CACNA1I: variants seen among roughly 807,000 people sequenced by gnomAD.
CACNA1I encodes the protein calcium voltage-gated channel subunit alpha1 I, also known as voltage-dependent T-type calcium channel subunit alpha-1I.
In CACNA1I, 74 loss-of-function variants were observed where a neutral mutation model predicts 201.6. The observed-to-expected ratio is 0.37, with a 90% CI of 0.30 to 0.45. The LOEUF (loss-of-function observed/expected upper bound fraction) is 0.45. Ranked by LOEUF, CACNA1I falls within the 20% of genes least tolerant of loss-of-function variation. The pLI is 1.00. For synonymous variants in CACNA1I, 1,431 were observed against 1,345.2 expected (o/e 1.06, Z -1.40); for missense variants, 2,346 against 3,138.1 (o/e 0.75, Z 6.03).
chr22:39,574,723 C>A (rs1260273340), intron 1 of CACNA1I, among the ~76,000 whole-genome samples: 1 of 152,148 alleles, frequency 6.6e-6, no homozygotes, highest in African/African-American at 2.4e-5. Flanking sequence ...CATGTCTAGA[C>A]CCTGCAAAGG....
At chr22:39,628,857 C>T (rs953128000) in intron 4 of CACNA1I, among the ~76,000 whole-genome samples, 42 of 152,196 alleles carry the variant, frequency 2.8e-4, no homozygotes, top group African/African-American at 8.4e-4. Flanking sequence ...TTCTGGGCCA[C>T]GGGCTGTGCC....
chr22:39,642,936 G>A, intron 7 of CACNA1I, 47 bp downstream of exon 7: 2 of 1,315,542 alleles, frequency 1.5e-6, no homozygotes, highest in Non-Finnish European at 2.2e-6. Context: ...AGAACCCATG[G>A]ACCAGGGGAC....
intron 15 of CACNA1I, 102 bp downstream of exon 15, chr22:39,660,539 A>G: frequency 1.5e-6 from 1 of 680,070 alleles, no homozygotes; most frequent in Admixed American, 2.9e-5. Flanking sequence ...GCCCAGGCTC[A>G]GGGACTGCTA....
At chr22:39,581,277 C>T (rs956548024) in intron 1 of CACNA1I, among the ~76,000 whole-genome samples, 6 of 152,164 alleles carry the variant, frequency 3.9e-5, no homozygotes, top group Non-Finnish European at 7.3e-5. Flanking sequence ...GCAGCCTGAT[C>T]AAGGGCTCAG....
intron 1 of CACNA1I, among the ~76,000 whole-genome samples, chr22:39,583,946 G>T (rs114145947): frequency 0.016 from 2,506 of 152,340 alleles, 59 homozygotes; most frequent in African/African-American, 0.058. Context: ...GGCAGGCAAG[G>T]TTGGAGGTAG....
intron 5 of CACNA1I, among the ~76,000 whole-genome samples, chr22:39,638,596 T>A (rs1934278741): frequency 6.6e-6 from 1 of 152,046 alleles, no homozygotes; most frequent in Non-Finnish European, 1.5e-5. Context: ...CATTGGTGAG[T>A]GTTTCTTCCT....
Position 39,661,882 on chromosome 22 carries a change from G to GCCA in CACNA1I, c.2902-83_2902-82insCCA, listed in dbSNP as rs1935022471. ...GTGGGTGGTCTTAGAGCCACAGCGG[G>GCCA]GGTGCAGGCTGCCTTTGGGCACCTG... On this transcript the variant is annotated intron_variant, in intron 16 of 36. Transcript: ENST00000402142. 3 of 865,718 alleles carry GCCA rather than the reference G, an allele frequency of 3.5e-6. No homozygotes were observed. In the South Asian group the frequency reaches 5.5e-5, roughly 16 times the overall value. 53.6% of individuals were successfully genotyped at this position (865,718 alleles called of 1,614,324 possible).
chr22:39,642,913 C>T (rs1934386229), intron 7 of CACNA1I, 24 bp downstream of exon 7: 2 of 1,503,698 alleles, frequency 1.3e-6, no homozygotes, highest in Admixed American at 1.8e-5. Context: ...AGCCTGGGCT[C>T]CTAGGTGTGC....
At chr22:39,597,205 C>A (rs956683158) in intron 1 of CACNA1I, among the ~76,000 whole-genome samples, 2 of 152,176 alleles carry the variant, frequency 1.3e-5, no homozygotes, top group African/African-American at 4.8e-5. Context: ...GAGCAGGCTT[C>A]GGATTTCTTA....
At position 39,676,378 on chromosome 22, in the gene CACNA1I, G is replaced by A. The variant is rs1935512593; in HGVS notation, c.4855-963G>A. Among the ~76,000 whole-genome samples, 2 of 152,226 alleles carry A rather than the reference G, an allele frequency of 1.3e-5. No homozygotes were observed. Among genetic ancestry groups the A allele is most frequent in the Admixed American group, 6.5e-5 (1 of 15,284 alleles). ...CCAGGAAACCCTGCTCTGGAGTGGA[G>A]CGGAGAAACTCGAGGAGTGGTGATT... On this transcript the variant is annotated intron_variant, in intron 29 of 36. Transcript: ENST00000402142. The surrounding 1 kb of genome is among the most constrained non-coding windows in gnomAD (Gnocchi z 4.8).
rs1935829391 is a variant in CACNA1I at position 39,685,398 on chromosome 22, G to A, written c.6028-363G>A. On this transcript the variant is annotated intron_variant, in intron 36 of 36. Coordinates refer to ENST00000402142, the MANE Select transcript of CACNA1I (RefSeq NM_021096.4). The surrounding 1 kb of genome is among the most constrained non-coding windows in gnomAD (Gnocchi z 5.0). ...GTGGGAGGGACCGGAACCAGTGGGAGCAGCCAAGGCTGGGGCCGCGTCAGA... is the reference window on the plus strand; with the variant it reads ...GTGGGAGGGACCGGAACCAGTGGGAACAGCCAAGGCTGGGGCCGCGTCAGA... Among the ~76,000 whole-genome samples the A allele has an allele frequency of 1.4e-5, 2 of 144,722 alleles. No homozygotes were observed. The highest frequency in any genetic ancestry group is 2.5e-5 in the African/African-American group (1 of 39,556). The allele number at this position is 144,722 out of a possible 152,430, so 94.9% of individuals were successfully genotyped here. A position where few individuals can be genotyped will look rare whatever the true frequency, so the allele number is the denominator to read the frequency against.
At chr22:39,577,567 C>G (rs1267533027) in intron 1 of CACNA1I, among the ~76,000 whole-genome samples, 1 of 152,278 alleles carries the variant, frequency 6.6e-6, no homozygotes, top group African/African-American at 2.4e-5. Flanking sequence ...AGTACATCCA[C>G]CGAGCATTTC....
At chr22:39,623,248 AGT>A (rs1384605291) in intron 4 of CACNA1I, among the ~76,000 whole-genome samples, 2 of 149,150 alleles carry the variant, frequency 1.3e-5, no homozygotes, top group African/African-American at 5.0e-5. Context: ...TGTGTGCACG[AGT>A]GTGTGTGCAA....
Position 39,600,529 on chromosome 22 carries a change from G to A in CACNA1I, c.358G>A (p.Asp120Asn), listed in dbSNP as rs773108844. Residue 120 changes from aspartate (D) to asparagine (N), a missense_variant, in exon 3 of 37, where the codon GAC becomes AAC. By Grantham distance (23) the Asp-to-Asn change is conservative. Around this residue, in one of 13 missense-constraint regions of CACNA1I, gnomAD observed 130 missense variants for 160.7 expected, o/e 0.81. Transcript: ENST00000402142. ...CCTCCTGCCCCTGCAGGTCTTTGAT[G>A]ACTTCATCTTTATCTTCTTTGCCAT... is the stretch of plus-strand genomic sequence containing the variant. ...DRCKILQVFD[D>N]FIFIFFAMEM... 8 of 1,611,158 alleles carry A rather than the reference G, an allele frequency of 5.0e-6. No individual in the cohort carries two copies. In the Admixed American group the frequency reaches 1.3e-4, roughly 27 times the overall value.
chr22:39,602,769 C>G (rs1287088223), intron 3 of CACNA1I, among the ~76,000 whole-genome samples: 2 of 152,072 alleles, frequency 1.3e-5, no homozygotes, highest in Admixed American at 6.6e-5. Context: ...CTTCTTTTTC[C>G]TGACTAGAAG....
chr22:39,646,902 C>T (rs1168568455), intron 8 of CACNA1I, 21 bp downstream of exon 8: 9 of 1,466,350 alleles, frequency 6.1e-6, no homozygotes, highest in South Asian at 2.8e-5. Flanking sequence ...CTGCATCCGA[C>T]GCGGCACTCA....
chr22:39,630,693 A>C (rs1199967026), intron 4 of CACNA1I, among the ~76,000 whole-genome samples: 1 of 152,210 alleles, frequency 6.6e-6, no homozygotes, highest in Non-Finnish European at 1.5e-5. Flanking sequence ...GCAGTAACTC[A>C]TGGCAGAGAC....
intron 10 of CACNA1I, chr22:39,656,743 T>C (rs1456420359): frequency 1.5e-5 from 8 of 518,916 alleles, no homozygotes; most frequent in Admixed American, 1.4e-4. Context: ...TGCCCTGCCT[T>C]TGCCCTGCCA....
rs1481545190 is a variant in CACNA1I at position 39,676,154 on chromosome 22, G to T, written c.4855-1187G>T. Among the ~76,000 whole-genome samples the T allele has an allele frequency of 6.6e-6, 1 of 152,186 alleles. No individual in the cohort carries two copies. The highest frequency in any genetic ancestry group is 2.4e-5 in the African/African-American group (1 of 41,444). ...GGAGGGGACAGATAGAAAAGCTGACGGCAATCCTGGTTAAGAGATGCTGCC... is the reference window on the plus strand; with the variant it reads ...GGAGGGGACAGATAGAAAAGCTGACTGCAATCCTGGTTAAGAGATGCTGCC... On this transcript the variant is annotated intron_variant, in intron 29 of 36. Coordinates refer to ENST00000402142, the MANE Select transcript of CACNA1I (RefSeq NM_021096.4). The surrounding 1 kb of genome is among the most constrained non-coding windows in gnomAD (Gnocchi z 4.8).
Sources: allele counts gnomAD v4.1 joint callset (sites outside exome capture counted in the v4.1 genomes callset), GRCh38; gene constraint gnomAD v4.1.1; regional missense constraint gnomAD v4.1.1; non-coding constraint Gnocchi (gnomAD v3.1); transcripts MANE v1.5; gene names NCBI Gene and HGNC (gene_info 2026-07-23, HGNC 2026-07-21).